OCA2: variants seen among roughly 807,000 people sequenced by gnomAD.
The protein encoded by OCA2 is OCA2 melanosomal transmembrane protein.
In OCA2, 77 loss-of-function variants were observed where a neutral mutation model predicts 100.2. That is an observed-to-expected ratio of 0.77 (90% CI 0.64 to 0.93). The LOEUF (loss-of-function observed/expected upper bound fraction) is 0.93, where lower values mean the gene tolerates loss of function less well. Ranked by LOEUF, OCA2 falls within the 40% of genes least tolerant of loss-of-function variation. The pLI is 0.00. For missense variants in OCA2, 1,062 were observed against 1,089.1 expected, an observed-to-expected ratio of 0.98 and a Z score of 0.35; for synonymous variants, 432 against 439.2, an observed-to-expected ratio of 0.98 and a Z score of 0.21.
chr15:27,922,932 T>G (rs1266354434), intron 19 of OCA2, among the ~76,000 whole-genome samples: 1 of 152,068 alleles, frequency 6.6e-6, no homozygotes, highest in Non-Finnish European at 1.5e-5. Flanking sequence ...CTAGCACCCA[T>G]TACTTATTTT....
chr15:27,770,989 TCCTTC>T (rs1449407203), intron 23 of OCA2, among the ~76,000 whole-genome samples: 1 of 86,008 alleles, frequency 1.2e-5, no homozygotes, highest in Non-Finnish European at 2.5e-5. Context: ...CCTTCTTTCT[TCCTTC>T]CCTTCCTTCC....
rs551049559 is a variant in OCA2 at position 28,042,197 on chromosome 15, G to A, written c.228-10034C>T. Among the ~76,000 whole-genome samples the A allele has an allele frequency of 4.6e-5, 7 of 152,202 alleles. No homozygotes were observed. In the South Asian group the frequency reaches 1.5e-3, roughly 32 times the overall value. ...ATTTGCACAGTAAATAAATGATACA[G>A]GGAAGGATAGAAAATAGGAATTCAA... On this transcript the variant is annotated intron_variant, in intron 2 of 23. Coordinates refer to ENST00000354638, the MANE Select transcript of OCA2 (RefSeq NM_000275.3).
At chr15:27,950,850 C>T (rs142324846) in intron 18 of OCA2, among the ~76,000 whole-genome samples, 1 of 152,158 alleles carries the variant, frequency 6.6e-6, no homozygotes, top group African/African-American at 2.4e-5. Context: ...GGCAGCTGCA[C>T]TCCTCAAATT....
intron 23 of OCA2, among the ~76,000 whole-genome samples, chr15:27,809,401 C>T (rs749477138): frequency 6.6e-6 from 1 of 152,138 alleles, no homozygotes; most frequent in Non-Finnish European, 1.5e-5. Context: ...TATGACCAAC[C>T]CATAGCCAAC....
At position 27,799,162 on chromosome 15, in the gene OCA2, C is replaced by T. The variant is rs370563549; in HGVS notation, c.2433-43690G>A. Among the ~76,000 whole-genome samples, 162 of 152,342 alleles carry T rather than the reference C, an allele frequency of 1.1e-3. 1 individual carries two copies. The highest frequency in any genetic ancestry group is 3.5e-3 in the South Asian group (17 of 4,830). ...ACTCCAGAGGAACAGGGGAGACGAT[C>T]GCTTCTGCATTTGCAAAGATGGACC... On this transcript the variant is annotated intron_variant, in intron 23 of 23. Transcript: ENST00000354638.
At chr15:27,760,034 T>C (rs188756719) in intron 23 of OCA2, among the ~76,000 whole-genome samples, 8 of 152,240 alleles carry the variant, frequency 5.3e-5, no homozygotes, top group Non-Finnish European at 8.8e-5. Context: ...ATCAAACTAA[T>C]TTTGATTTCA....
At chr15:27,858,590 A>T (rs1174355593) in intron 21 of OCA2, among the ~76,000 whole-genome samples, 1 of 152,132 alleles carries the variant, frequency 6.6e-6, no homozygotes, top group East Asian at 1.9e-4. Flanking sequence ...TTAAATAAAA[A>T]CAGGTTACAA....
intron 23 of OCA2, among the ~76,000 whole-genome samples, chr15:27,788,141 G>T (rs1193488016): frequency 6.6e-6 from 1 of 151,406 alleles, no homozygotes; most frequent in Non-Finnish European, 1.5e-5. Flanking sequence ...TTATGGCCTA[G>T]CTTATGGTCT....
In OCA2 at chr15:28,077,010, G is replaced by A. The variant is rs1206330513; in HGVS notation, c.227+4638C>T. Among the ~76,000 whole-genome samples, 3 of 151,650 alleles carry A rather than the reference G, an allele frequency of 2.0e-5. No homozygotes were observed. In the East Asian group the frequency reaches 5.8e-4, roughly 29 times the overall value. ...TTAATTAGGCAAAGCAAATGGGAAA[G>A]AGAGAGTGGAGAGAGTGGGGAAGTC... On this transcript the variant is annotated intron_variant, in intron 2 of 23. Coordinates refer to ENST00000354638, the MANE Select transcript of OCA2 (RefSeq NM_000275.3).
chr15:27,796,370 G>T (rs987710855), intron 23 of OCA2, among the ~76,000 whole-genome samples: 1 of 152,266 alleles, frequency 6.6e-6, no homozygotes, highest in East Asian at 1.9e-4. Context: ...CCTGTCCCAC[G>T]TGGACACCAG....
At position 27,985,189 on chromosome 15, in the gene OCA2, C is replaced by G; in HGVS notation, c.1240-1G>C. 1 of 1,613,700 alleles carries G rather than the reference C, an allele frequency of 6.2e-7. No individual in the cohort carries two copies. The highest frequency in any genetic ancestry group is 1.7e-5 in the Admixed American group (1 of 60,030). On this transcript the variant is annotated splice_acceptor_variant, in intron 12 of 23. Transcript: ENST00000354638. LOFTEE classifies it high-confidence loss of function. ...CCCGTCCCCGGGAGAGCCGGTATGC[C>G]TGGCCACACACACACAGAGAGAGTA... is the stretch of plus-strand genomic sequence containing the variant.
chr15:27,854,658 C>T (rs1350691965), intron 21 of OCA2, among the ~76,000 whole-genome samples: 1 of 152,190 alleles, frequency 6.6e-6, no homozygotes, highest in African/African-American at 2.4e-5. Context: ...ATAGAGGCAC[C>T]TTTAGACTTG....
intron 23 of OCA2, among the ~76,000 whole-genome samples, chr15:27,811,057 A>C (rs906072959): frequency 1.5e-5 from 1 of 66,874 alleles, no homozygotes; most frequent in Non-Finnish European, 2.4e-5. Flanking sequence ...TATATGAAAA[A>C]GACACCGTAC....
intron 23 of OCA2, among the ~76,000 whole-genome samples, chr15:27,770,326 G>C (rs1057508202): frequency 1.3e-5 from 2 of 152,166 alleles, no homozygotes; most frequent in African/African-American, 4.8e-5. Context: ...GGCCAGGGAC[G>C]GGCAACGCGG....
chr15:27,887,646 A>G (rs2037284654), intron 19 of OCA2, among the ~76,000 whole-genome samples: 1 of 132,564 alleles, frequency 7.5e-6, no homozygotes, highest in Non-Finnish European at 1.6e-5. Context: ...TAAATTGCCC[A>G]GTCTAGGGTA....
At chr15:28,005,773 C>T (rs1343803089) in intron 9 of OCA2, among the ~76,000 whole-genome samples, 1 of 152,140 alleles carries the variant, frequency 6.6e-6, no homozygotes, top group Non-Finnish European at 1.5e-5. Flanking sequence ...GTCCCATATG[C>T]AAATGGTCTG....
At chr15:27,897,794 G>A (rs2703974) in intron 19 of OCA2, among the ~76,000 whole-genome samples, 14,349 of 152,214 alleles carry the variant, frequency 0.094, 1,533 homozygotes, top group South Asian at 0.28. Flanking sequence ...TGGAAAATCC[G>A]CAGACACTCA....
chr15:27,907,168 T>C (rs904732118), intron 19 of OCA2, among the ~76,000 whole-genome samples: 21 of 152,098 alleles, frequency 1.4e-4, no homozygotes, highest in Admixed American at 6.5e-4. Flanking sequence ...TTCCGTAAAG[T>C]AGAAATATTT....
intron 23 of OCA2, among the ~76,000 whole-genome samples, chr15:27,844,646 A>G (rs1027113455): frequency 1.3e-5 from 2 of 152,118 alleles, no homozygotes; most frequent in Non-Finnish European, 2.9e-5. Flanking sequence ...TTACAGGTAC[A>G]TGCTGCCATG....
Sources: allele counts gnomAD v4.1 joint callset (sites outside exome capture counted in the v4.1 genomes callset), GRCh38; gene constraint gnomAD v4.1.1; transcripts MANE v1.5; gene names NCBI Gene and HGNC (gene_info 2026-07-23, HGNC 2026-07-21).